The following OPRD1 variants were observed in gnomAD, a reference collection of about 807,000 sequenced individuals.
OPRD1 encodes the protein opioid receptor delta 1.
OPRD1 carries 19 observed loss-of-function variants against 17.5 expected under a neutral mutation model. That is an observed-to-expected ratio of 1.09 (90% CI 0.76 to 1.60). OPRD1 has a LOEUF of 1.60. Among genes scored for constraint, OPRD1 ranks in the 40% most tolerant of loss-of-function variants. The pLI is 0.00. For synonymous variants in OPRD1, 256 were observed against 240.9 expected (o/e 1.06, Z -0.58); for missense variants, 483 against 547.2 (o/e 0.88, Z 1.17).
intron 1 of OPRD1, among the ~76,000 whole-genome samples, chr1:28,844,791 CTG>C (rs568637577): frequency 3.3e-5 from 5 of 152,106 alleles, no homozygotes; most frequent in Non-Finnish European, 7.3e-5. Flanking sequence ...GTTACCCAGA[CTG>C]GAGTGCAGTG....
At chr1:28,830,465 A>G (rs1484290352) in intron 1 of OPRD1, among the ~76,000 whole-genome samples, 3 of 152,114 alleles carry the variant, frequency 2.0e-5, no homozygotes, top group Non-Finnish European at 4.4e-5. Flanking sequence ...TCGAGGCTGC[A>G]GTGGGCTGTG....
chr1:28,849,451 A>G (rs1038517237), intron 1 of OPRD1, among the ~76,000 whole-genome samples: 3 of 152,164 alleles, frequency 2.0e-5, no homozygotes, highest in African/African-American at 7.2e-5. Context: ...GTTCCCCTAC[A>G]GTGAAGCCCA....
At chr1:28,848,761 T>C (rs371859175) in intron 1 of OPRD1, among the ~76,000 whole-genome samples, 10 of 152,236 alleles carry the variant, frequency 6.6e-5, no homozygotes, top group African/African-American at 2.4e-4. Context: ...ATACCAGCTC[T>C]GCCACTTACT....
chr1:28,834,757 T>C (rs2088836442), intron 1 of OPRD1, among the ~76,000 whole-genome samples: 1 of 152,116 alleles, frequency 6.6e-6, no homozygotes, highest in South Asian at 2.1e-4. Context: ...ATAATAAAAA[T>C]CACCCAACTA....
chr1:28,847,076 A>T (rs985092169), intron 1 of OPRD1, among the ~76,000 whole-genome samples: 4 of 78,744 alleles, frequency 5.1e-5, no homozygotes, highest in African/African-American at 1.5e-4. Flanking sequence ...TTTCCGACGG[A>T]GTTTGGCTCT....
intron 1 of OPRD1, among the ~76,000 whole-genome samples, chr1:28,823,307 A>G (rs913884709): frequency 7.4e-6 from 1 of 134,778 alleles, no homozygotes; most frequent in Non-Finnish European, 1.6e-5. Flanking sequence ...AGTGATTCTC[A>G]TGCCTCAGCC....
intron 1 of OPRD1, among the ~76,000 whole-genome samples, chr1:28,813,945 G>T (rs2088652687): frequency 6.6e-6 from 1 of 152,166 alleles, no homozygotes. Context: ...CCAGGGTATG[G>T]GGTCTCTGCA....
At chr1:28,851,087 A>G (rs369254782) in intron 1 of OPRD1, among the ~76,000 whole-genome samples, 1 of 152,100 alleles carries the variant, frequency 6.6e-6, no homozygotes, top group Non-Finnish European at 1.5e-5. Context: ...GGTAACAAGT[A>G]CTGAGTGGTT....
intron 1 of OPRD1, among the ~76,000 whole-genome samples, chr1:28,828,231 A>G (rs2088781611): frequency 1.3e-5 from 2 of 152,230 alleles, no homozygotes; most frequent in Admixed American, 1.3e-4. Flanking sequence ...AGTAAGCATG[A>G]AAACAACTTA....
Position 28,868,783 on chromosome 1 carries a change from T to C in OPRD1, c.*5500T>C, listed in dbSNP as rs1004257948. On this transcript the variant is annotated 3_prime_UTR_variant, in exon 3 of 3. Coordinates refer to ENST00000234961, the MANE Select transcript of OPRD1 (RefSeq NM_000911.4). Reference sequence around the variant, plus strand: ...TGAACCCAGGAAGCAGAGGTTACAGTGAGCCAAGATCTTGCCACTGTACTC... The same window carrying C: ...TGAACCCAGGAAGCAGAGGTTACAGCGAGCCAAGATCTTGCCACTGTACTC... 8 of 150,894 alleles carry C rather than the reference T, an allele frequency of 5.3e-5. No homozygotes were observed. Among genetic ancestry groups the C allele is most frequent in the Admixed American group, 4.0e-4 (6 of 15,116 alleles). 9.3% of individuals were successfully genotyped at this position (150,894 alleles called of 1,614,324 possible). A position where few individuals can be genotyped will look rare whatever the true frequency, so the allele number is the denominator to read the frequency against.
At chr1:28,812,821 G>T (rs183972498) in intron 1 of OPRD1, among the ~76,000 whole-genome samples, 3 of 152,226 alleles carry the variant, frequency 2.0e-5, no homozygotes, top group Non-Finnish European at 2.9e-5. Flanking sequence ...TGGTGCGGGG[G>T]GGGGAGTGCG....
At chr1:28,854,393 A>AT (rs111966727) in intron 1 of OPRD1, among the ~76,000 whole-genome samples, 4,362 of 146,010 alleles carry the variant, frequency 0.03, 203 homozygotes, top group African/African-American at 0.1. Flanking sequence ...TGCCCAACTA[A>AT]TTTTTTTTTT....
intron 1 of OPRD1, among the ~76,000 whole-genome samples, chr1:28,819,439 C>T (rs2088694273): frequency 6.6e-6 from 1 of 152,100 alleles, no homozygotes; most frequent in African/African-American, 2.4e-5. Context: ...GGGTTCATTC[C>T]CTGGGGAGTG....
intron 1 of OPRD1, among the ~76,000 whole-genome samples, chr1:28,848,230 A>G (rs958000120): frequency 2.1e-5 from 3 of 143,170 alleles, no homozygotes; most frequent in African/African-American, 7.4e-5. Flanking sequence ...GCCTGGACAG[A>G]GCAAGACTCC....
At chr1:28,834,236 G>GTGC (rs908608263) in intron 1 of OPRD1, among the ~76,000 whole-genome samples, 2 of 151,972 alleles carry the variant, frequency 1.3e-5, no homozygotes, top group African/African-American at 4.8e-5. Context: ...CCCCATGACA[G>GTGC]TGCTGCTGCT....
chr1:28,842,874 T>A (rs1410860623), intron 1 of OPRD1, among the ~76,000 whole-genome samples: 1 of 151,708 alleles, frequency 6.6e-6, no homozygotes, highest in African/African-American at 2.4e-5. Context: ...GAGACCAGCC[T>A]GGACAACATA....
intron 1 of OPRD1, among the ~76,000 whole-genome samples, chr1:28,813,253 G>C (rs1219026220): frequency 6.6e-6 from 1 of 152,222 alleles, no homozygotes; most frequent in African/African-American, 2.4e-5. Flanking sequence ...CGTCGTCCCT[G>C]TGTTTGTGCA....
At chr1:28,815,202 T>A (rs1171832961) in intron 1 of OPRD1, among the ~76,000 whole-genome samples, 1 of 152,128 alleles carries the variant, frequency 6.6e-6, no homozygotes, top group African/African-American at 2.4e-5. Flanking sequence ...AACCTCGACC[T>A]CCTGGGCTTA....
intron 1 of OPRD1, among the ~76,000 whole-genome samples, chr1:28,847,448 G>A (rs1169928828): frequency 6.6e-6 from 1 of 152,154 alleles, no homozygotes; most frequent in Non-Finnish European, 1.5e-5. Flanking sequence ...TAAATGGAAG[G>A]GCCCAGGTTC....
Sources: gnomAD v4.1 joint callset for allele counts (sites outside exome capture counted in the v4.1 genomes callset) on GRCh38, gnomAD v4.1.1 for gene constraint, MANE v1.5 for transcripts, NCBI Gene and HGNC (gene_info 2026-07-23, HGNC 2026-07-21) for gene names.